DYNAP: variants seen among roughly 807,000 people sequenced by gnomAD.
DYNAP encodes the protein dynactin associated protein.
A neutral mutation model predicts 8.5 loss-of-function variants in DYNAP; 7 were observed. The observed-to-expected ratio is 0.82, with a 90% CI of 0.47 to 1.54. The LOEUF is 1.54. Among genes scored for constraint, DYNAP ranks in the 40% most tolerant of loss-of-function variants. The pLI, the probability that DYNAP is intolerant of heterozygous loss-of-function variation, is 0.01. For missense variants in DYNAP, 256 were observed against 224.3 expected, an observed-to-expected ratio of 1.14 and a Z score of -0.90; for synonymous variants, 77 against 77.9, an observed-to-expected ratio of 0.99 and a Z score of 0.06.
chr18:54,589,284 T>C (rs1341591488), upstream of DYNAP, among the ~76,000 whole-genome samples: 1 of 152,160 alleles, frequency 6.6e-6, no homozygotes, highest in South Asian at 2.1e-4. Context: ...AACAAGACTT[T>C]CAGATTTCTT....
chr18:54,595,070 A>C lies in DYNAP; in HGVS notation c.189A>C (p.Ser63=). Reference sequence around the variant, plus strand: ...TGAACCCAGGAATCCTTGCACATTCAAGATGTCTACAGTCAGAATCCTGTA... The same window carrying C: ...TGAACCCAGGAATCCTTGCACATTCCAGATGTCTACAGTCAGAATCCTGTA... ...VCVNPGILAH[S]RCLQSESCNT... is the part of the protein sequence containing the mutation. Residue 63 remains serine, a synonymous_variant, in exon 2 of 3, where the codon TCA becomes TCC. Coordinates refer to ENST00000648945, the MANE Select transcript of DYNAP (RefSeq NM_173629.3). 6.2e-7 allele frequency: 1 copy of C among 1,612,432 alleles called. No homozygotes were observed. The highest frequency in any genetic ancestry group is 2.2e-5 in the East Asian group (1 of 44,838).
the DYNAP span, among the ~76,000 whole-genome samples, chr18:54,580,029 C>T: frequency 6.6e-5 from 10 of 152,282 alleles, no homozygotes; most frequent in South Asian, 2.1e-4. Context: ...AGGCAAGTTA[C>T]GTATTTCTTT....
At chr18:54,590,640 A>G (rs1911032619), upstream of DYNAP, among the ~76,000 whole-genome samples, 1 of 152,198 alleles carries the variant, frequency 6.6e-6, no homozygotes, top group Admixed American at 6.6e-5. Context: ...AGAATTGATC[A>G]TTTTACAATT....
At position 54,595,100 on chromosome 18, in the gene DYNAP, A is replaced by G; in HGVS notation, c.219A>G (p.Thr73=). ...SRCLQSESCN[T]QVKEYCRNDW... ...GTCTACAGTCAGAATCCTGTAACAC[A>G]CAGGTAATGTGTAGCACGGGAGCTT... Residue 73 remains threonine (T), a synonymous_variant, in exon 2 of 3, where the codon ACA becomes ACG. Transcript: ENST00000648945. 6.2e-7 allele frequency: 1 copy of G among 1,611,232 alleles called. No homozygotes were observed. The highest frequency in any genetic ancestry group is 8.5e-7 in the Non-Finnish European group (1 of 1,178,300).
upstream of DYNAP, among the ~76,000 whole-genome samples, chr18:54,587,203 T>C (rs537182884): frequency 1.3e-5 from 2 of 152,284 alleles, no homozygotes; most frequent in Admixed American, 1.3e-4. Flanking sequence ...TTTTATGAAA[T>C]AGTTTTCCAG....
the DYNAP span, among the ~76,000 whole-genome samples, chr18:54,576,403 G>A: frequency 6.6e-6 from 1 of 152,024 alleles, no homozygotes; most frequent in Non-Finnish European, 1.5e-5. Flanking sequence ...ACCAAGACTT[G>A]GTAATGTCAA....
chr18:54,582,938 A>G (rs575300185), upstream of DYNAP, among the ~76,000 whole-genome samples: 1 of 152,260 alleles, frequency 6.6e-6, no homozygotes, highest in Admixed American at 6.5e-5. Context: ...AAAATTTCCA[A>G]TTCACAAACA....
rs72939106 is a variant in DYNAP at position 54,595,117 on chromosome 18, C to G, written c.222+14C>G. ...TGTAACACACAGGTAATGTGTAGCA[C>G]GGGAGCTTTTATTCAAGTTGGGATG... On this transcript the variant is annotated intron_variant, in intron 2 of 2. Transcript: ENST00000648945. The G allele has an allele frequency of 6.2e-7, 1 of 1,601,648 alleles. No individual in the cohort carries two copies. Among genetic ancestry groups the G allele is most frequent in the Admixed American group, 1.7e-5 (1 of 58,510 alleles).
At chr18:54,582,982 GC>G (rs1910769189), upstream of DYNAP, among the ~76,000 whole-genome samples, 1 of 151,988 alleles carries the variant, frequency 6.6e-6, no homozygotes, top group Admixed American at 6.5e-5. Context: ...AACCATCAAC[GC>G]TTTTTAATAC....
chr18:54,594,864 T>C (rs1381714884), intron 1 of DYNAP, 75 bp from the exon 2 acceptor site: 2 of 1,481,776 alleles, frequency 1.3e-6, no homozygotes, highest in East Asian at 2.3e-5. Flanking sequence ...GTACTTTTGA[T>C]AGAAGAATTT....
chr18:54,587,286 GC>G (rs1445139448), upstream of DYNAP, among the ~76,000 whole-genome samples: 1 of 152,054 alleles, frequency 6.6e-6, no homozygotes, highest in Non-Finnish European at 1.5e-5. Context: ...GTGTGATAGC[GC>G]ACAACTGGAG....
the DYNAP span, among the ~76,000 whole-genome samples, chr18:54,578,376 G>T: frequency 1.3e-4 from 20 of 152,320 alleles, no homozygotes; most frequent in African/African-American, 4.6e-4. Flanking sequence ...ACTTCTGACT[G>T]TTAAGGTGGG....
intron 2 of DYNAP, among the ~76,000 whole-genome samples, chr18:54,596,055 TTTTTTA>T (rs1167041897): frequency 1.3e-5 from 2 of 151,954 alleles, no homozygotes. Flanking sequence ...GCTAGCTCTT[TTTTTTA>T]TTTTTATTTT....
At chr18:54,578,287 G>A in the DYNAP span, among the ~76,000 whole-genome samples, 1 of 152,216 alleles carries the variant, frequency 6.6e-6, no homozygotes, top group African/African-American at 2.4e-5. Context: ...TGCTAGACAG[G>A]ATGCTCAGAA....
At chr18:54,591,021 T>G, upstream of DYNAP, 1 of 469,106 alleles carries the variant, frequency 2.1e-6, no homozygotes, top group Non-Finnish European at 3.6e-6. Context: ...TAATGTAAGG[T>G]TTTCAGAGGG....
chr18:54,594,895 A>T, intron 1 of DYNAP, 44 bp from the exon 2 acceptor site: 1 of 1,570,002 alleles, frequency 6.4e-7, no homozygotes, highest in Non-Finnish European at 8.6e-7. Context: ...ACTCAACACC[A>T]TGGTTTCCTA....
chr18:54,578,555 A>T, the DYNAP span, among the ~76,000 whole-genome samples: 1 of 152,216 alleles, frequency 6.6e-6, no homozygotes, highest in South Asian at 2.1e-4. Flanking sequence ...TGATACTGGC[A>T]GCTCAAAAAT....
At chr18:54,588,825 T>C (rs1395065756), upstream of DYNAP, among the ~76,000 whole-genome samples, 1 of 152,208 alleles carries the variant, frequency 6.6e-6, no homozygotes, top group African/African-American at 2.4e-5. Flanking sequence ...GTTTTTATTC[T>C]TACTTTTAAT....
upstream of DYNAP, among the ~76,000 whole-genome samples, chr18:54,585,546 A>G (rs117235887): frequency 6.6e-6 from 1 of 152,210 alleles, no homozygotes; most frequent in East Asian, 1.9e-4. Flanking sequence ...ATCCATGTGC[A>G]CTGAGGACCT....
Sources: gnomAD v4.1 joint callset for allele counts (sites outside exome capture counted in the v4.1 genomes callset) on GRCh38, gnomAD v4.1.1 for gene constraint, MANE v1.5 for transcripts, NCBI Gene and HGNC (gene_info 2026-07-23, HGNC 2026-07-21) for gene names.